GGA2: variants seen among roughly 807,000 people sequenced by gnomAD.
The protein encoded by GGA2 is golgi associated, gamma adaptin ear containing, ARF binding protein 2.
GGA2 carries 48 observed loss-of-function variants against 79.5 expected under a neutral mutation model. The ratio of observed to expected loss-of-function variants is 0.60; its 90% CI spans 0.48 to 0.77. GGA2 has a LOEUF of 0.77. Ranked by LOEUF, GGA2 falls within the 30% of genes least tolerant of loss-of-function variation. The pLI is 0.00. For synonymous variants in GGA2, 317 were observed against 302.0 expected (o/e 1.05, Z -0.51); for missense variants, 770 against 774.0 (o/e 0.99, Z 0.06).
At chr16:23,499,801 A>C (rs531539986) in intron 1 of GGA2, among the ~76,000 whole-genome samples, 1 of 152,342 alleles carries the variant, frequency 6.6e-6, no homozygotes, top group African/African-American at 2.4e-5. Context: ...TGTTGAAACC[A>C]TAAGACCTTC....
rs1964790673 is a variant in GGA2, at chr16:23,491,726, A to G, written c.426T>C (p.Phe142=). 1.9e-6 allele frequency: 3 copies of G among 1,612,634 alleles called. No homozygotes were observed. Among genetic ancestry groups the G allele is most frequent in the Non-Finnish European group, 2.5e-6 (3 of 1,178,634 alleles). Residue 142 remains phenylalanine (F), a synonymous_variant, in exon 5 of 17, where the codon TTT becomes TTC. Transcript: ENST00000309859. Reference sequence around the variant, plus strand: ...CGTCTCGAATCTTGATGTCTTCCGGAAACCAGACTGTCCAACTGAAGAGTA... The same window carrying G: ...CGTCTCGAATCTTGATGTCTTCCGGGAACCAGACTGTCCAACTGAAGAGTA... The part of the protein sequence containing the change: ...IEILFSWTVW[F]PEDIKIRDAY...
At position 23,510,438 on chromosome 16, in the gene GGA2, G is replaced by A. The variant is rs779281579; in HGVS notation, c.-27C>T. The A allele has an allele frequency of 2.7e-5, 25 of 912,802 alleles. 1 individual carries two copies. The South Asian group carries it at 5.9e-4, about 21-fold the overall frequency. The allele number at this position is 912,802 out of a possible 1,614,324, so 56.5% of individuals were successfully genotyped here. A position where few individuals can be genotyped will look rare whatever the true frequency, so the allele number is the denominator to read the frequency against. ...GCTCCAGCCCCGACGCTGCGGCCGCGGGCGCCACTGCCTCTTCAGCCGCTG... is the reference window on the plus strand; with the variant it reads ...GCTCCAGCCCCGACGCTGCGGCCGCAGGCGCCACTGCCTCTTCAGCCGCTG... On this transcript the variant is annotated 5_prime_UTR_variant, in exon 1 of 17. Coordinates refer to ENST00000309859, the MANE Select transcript of GGA2 (RefSeq NM_015044.4).
chr16:23,511,016 CGTGTGTGTGTGTGTGTGTGT>C (rs145140640), upstream of GGA2, among the ~76,000 whole-genome samples: 2 of 28,838 alleles, frequency 6.9e-5, no homozygotes, highest in African/African-American at 1.2e-4. Flanking sequence ...TGGGTTTCAC[CGTGTGTGTGTGTGTGTGTGT>C]GTGTGTGTGT....
At position 23,474,921 on chromosome 16, in the gene GGA2, A is replaced by G; in HGVS notation, c.1433T>C (p.Leu478Ser). 1.2e-6 allele frequency: 2 copies of G among 1,613,082 alleles called. No homozygotes were observed. Among genetic ancestry groups the G allele is most frequent in the Admixed American group, 1.7e-5 (1 of 59,998 alleles). ...NTPLAQVFVP[L>S]ESVKPSSLPP... Reference sequence around the variant, plus strand: ...GTACTTACTGGGCTTAACAGACTCCAAAGGGACAAACACTTGAGCCAGAGG... The same window carrying G: ...GTACTTACTGGGCTTAACAGACTCCGAAGGGACAAACACTTGAGCCAGAGG... The change falls in exon 14 of 17, where the codon TTG (leucine) becomes TCG (serine). Residue 478 changes from leucine (L) to serine (S), a missense_variant. Physicochemically the swap from Leu to Ser is moderately radical, Grantham distance 145. Coordinates refer to ENST00000309859, the MANE Select transcript of GGA2 (RefSeq NM_015044.4).
intron 9 of GGA2, among the ~76,000 whole-genome samples, chr16:23,482,355 G>A (rs141609601): frequency 6.6e-6 from 1 of 152,106 alleles, no homozygotes; most frequent in Non-Finnish European, 1.5e-5. Context: ...GATGAAGTAA[G>A]ATTAAAAAAA....
At chr16:23,475,332 G>C (rs1344379527) in intron 13 of GGA2, among the ~76,000 whole-genome samples, 4 of 151,676 alleles carry the variant, frequency 2.6e-5, no homozygotes, top group Non-Finnish European at 5.9e-5. Context: ...TGGGATTACA[G>C]GCACCTGCCA....
At chr16:23,479,333 G>A (rs538428007) in intron 11 of GGA2, among the ~76,000 whole-genome samples, 2 of 149,816 alleles carry the variant, frequency 1.3e-5, no homozygotes, top group Admixed American at 1.3e-4. Context: ...GCAGGCACTT[G>A]CTCCCAGAGG....
chr16:23,487,437 C>T (rs933777069), intron 6 of GGA2, among the ~76,000 whole-genome samples: 1 of 152,142 alleles, frequency 6.6e-6, no homozygotes, highest in Non-Finnish European at 1.5e-5. Context: ...CTACAGTGCA[C>T]AGGACAGTCC....
chr16:23,471,660 GA>G (rs996857091), intron 14 of GGA2, among the ~76,000 whole-genome samples: 1 of 152,144 alleles, frequency 6.6e-6, no homozygotes, highest in African/African-American at 2.4e-5. Flanking sequence ...AGCTACTCAG[GA>G]GGCTGAAATG....
chr16:23,482,792 C>CCCT, intron 9 of GGA2, 131 bp downstream of exon 9: 1 of 680,424 alleles, frequency 1.5e-6, no homozygotes, highest in South Asian at 1.7e-5. Flanking sequence ...TCAGGCCACA[C>CCCT]CCTCCCCAAG....
At position 23,493,418 on chromosome 16, in the gene GGA2, TG is replaced by T; in HGVS notation, c.292del (p.His98ThrfsTer10). On this transcript the variant is annotated frameshift_variant, in exon 4 of 17. Coordinates refer to ENST00000309859, the MANE Select transcript of GGA2 (RefSeq NM_015044.4). LOFTEE classifies it high-confidence loss of function. ...GAAACGAAATTTGGCCACCTCGCTGTGGAACTTCTCCCCACAGTGGTTCATG... is the reference window on the plus strand; with the variant it reads ...GAAACGAAATTTGGCCACCTCGCTGTGAACTTCTCCCCACAGTGGTTCATG... The part of the protein sequence containing the change: ...MCMNHCGEKF[H>X]SEVAKFRFLN... The T allele has an allele frequency of 2.5e-6, 4 of 1,613,076 alleles. No individual in the cohort carries two copies. Among genetic ancestry groups the T allele is most frequent in the Non-Finnish European group, 3.4e-6 (4 of 1,179,078 alleles).
In GGA2 at chr16:23,495,754, G is replaced by A. The variant is rs200764317; in HGVS notation, c.116C>T (p.Ser39Leu). Reference protein sequence around the residue: ...WLNKATDPSMSEQDWSAIQNF... With the variant: ...WLNKATDPSMLEQDWSAIQNF... ...CTGGATAGCTGACCAATCCTGTTCC[G>A]ACATGCTTGGGTCTGTGGCTTTGTC... The change falls in exon 2 of 17, where the codon TCG becomes TTG. Residue 39 changes from serine to leucine, a missense_variant. Coordinates refer to ENST00000309859, the MANE Select transcript of GGA2 (RefSeq NM_015044.4). The A allele has an allele frequency of 6.8e-6, 11 of 1,611,624 alleles. No individual in the cohort carries two copies. The highest frequency in any genetic ancestry group is 2.2e-5 in the East Asian group (1 of 44,876).
chr16:23,513,008 A>G (rs1026525510), upstream of GGA2, among the ~76,000 whole-genome samples: 1 of 152,116 alleles, frequency 6.6e-6, no homozygotes, highest in Non-Finnish European at 1.5e-5. Flanking sequence ...CCTGGCCTAA[A>G]TAAAATCTTT....
intron 13 of GGA2, 141 bp downstream of exon 13, chr16:23,478,225 CAA>C (rs111229895): frequency 6.3e-3 from 2,901 of 460,222 alleles, no homozygotes; most frequent in South Asian, 8.4e-3. Flanking sequence ...GAAAAAAAGA[CAA>C]AAAAAAAAAA....
chr16:23,497,833 TATAAA>T (rs1263281589), intron 1 of GGA2, among the ~76,000 whole-genome samples: 16 of 152,144 alleles, frequency 1.1e-4, no homozygotes, highest in African/African-American at 3.6e-4. Flanking sequence ...TTTCCTCAAC[TATAAA>T]ATAAAGAAAA....
At position 23,467,361 on chromosome 16, in the gene GGA2, A is replaced by G. The variant is rs577777984; in HGVS notation, c.*229T>C. On this transcript the variant is annotated 3_prime_UTR_variant, in exon 17 of 17. Transcript: ENST00000309859. ...CATTTCCCACACTGCCGATATCCCA[A>G]GCCCTGTGCTACCACCCTCTCCCCG... 2.2e-6 allele frequency: 1 copy of G among 464,612 alleles called. No homozygotes were observed. 28.8% of individuals were successfully genotyped at this position (464,612 alleles called of 1,614,324 possible).
chr16:23,501,675 A>G lies in GGA2; in HGVS notation c.92-5897T>C, dbSNP rs191734984. ...CACTAATGCCATCTTAAAGAGAGAA[A>G]TTAACATTATAAGATCCTAAACTTC... On this transcript the variant is annotated intron_variant, in intron 1 of 16. Transcript: ENST00000309859. The G allele has an allele frequency of 1.4e-3, 245 of 177,372 alleles. 3 individuals are homozygous for G. Among genetic ancestry groups the G allele is most frequent in the African/African-American group, 4.7e-3 (199 of 42,166 alleles). The allele number at this position is 177,372 out of a possible 1,614,324, so 11.0% of individuals were successfully genotyped here. A position where few individuals can be genotyped will look rare whatever the true frequency, so the allele number is the denominator to read the frequency against.
chr16:23,513,915 T>G (rs927539415), upstream of GGA2, among the ~76,000 whole-genome samples: 2 of 149,582 alleles, frequency 1.3e-5, no homozygotes, highest in African/African-American at 5.0e-5. Flanking sequence ...GAAGAAGGAG[T>G]GATATACAGG....
intron 1 of GGA2, among the ~76,000 whole-genome samples, chr16:23,500,436 C>T (rs530168954): frequency 7.9e-5 from 12 of 152,250 alleles, no homozygotes; most frequent in South Asian, 2.1e-4. Flanking sequence ...ATCTATGAGG[C>T]GGTGGCAAGC....
Sources: gnomAD v4.1 joint callset for allele counts (sites outside exome capture counted in the v4.1 genomes callset) on GRCh38, gnomAD v4.1.1 for gene constraint, MANE v1.5 for transcripts, NCBI Gene and HGNC (gene_info 2026-07-23, HGNC 2026-07-21) for gene names.